PATJ: variants seen among roughly 807,000 people sequenced by gnomAD.
PATJ encodes the protein PATJ crumbs cell polarity complex component.
A neutral mutation model predicts 224.9 loss-of-function variants in PATJ; 190 were observed. The observed-to-expected ratio is 0.84, with a 90% confidence interval of 0.75 to 0.95. The LOEUF is 0.95. Ranked by LOEUF, PATJ falls within the 40% of genes least tolerant of loss-of-function variation. The pLI, the probability that PATJ is intolerant of heterozygous loss-of-function variation, is 0.00. For synonymous variants in PATJ, 769 were observed against 820.3 expected (o/e 0.94, Z 1.07); for missense variants, 2,121 against 2,270.3 (o/e 0.93, Z 1.34).
chr1:62,035,783 A>G (rs1357373834), intron 29 of PATJ, among the ~76,000 whole-genome samples: 1 of 152,098 alleles, frequency 6.6e-6, no homozygotes, highest in Non-Finnish European at 1.5e-5. Context: ...TCAGTTAGGT[A>G]AAATATGAAA....
chr1:61,780,910 C>A (rs942370723), intron 7 of PATJ, among the ~76,000 whole-genome samples: 1 of 152,132 alleles, frequency 6.6e-6, no homozygotes, highest in African/African-American at 2.4e-5. Context: ...TATTTCAGAT[C>A]ATCAAAGAGG....
chr1:62,088,508 A>T (rs1362087479), intron 33 of PATJ, among the ~76,000 whole-genome samples: 4 of 152,094 alleles, frequency 2.6e-5, no homozygotes, highest in Admixed American at 6.6e-5. Context: ...GGTGATGCTG[A>T]CCATTCCTCT....
chr1:61,795,643 G>C, intron 10 of PATJ, 85 bp downstream of exon 10: 5 of 679,778 alleles, frequency 7.4e-6, no homozygotes, highest in Non-Finnish European at 1.0e-5. Flanking sequence ...AGGGGGAATA[G>C]CTTAATATAG....
In PATJ at chr1:62,062,392, C is replaced by CTTTTTTTTTTTTTTTTTTTTTTTTTTTTT. The variant is rs60747316; in HGVS notation, c.4125+11361_4125+11362insTTTTTTTTTTTTTTTTTTTTTTTTTTTTT. On this transcript the variant is annotated intron_variant, in intron 31 of 43. Transcript: ENST00000642238. ...TGGTTGGCTGCTTCTATGTTGTCTT[C>CTTTTTTTTTTTTTTTTTTTTTTTTTTTTT]TTTTTTTTTTTTTTTTTTTTTTTTT... Among the ~76,000 whole-genome samples, 39 of 28,480 alleles carry CTTTTTTTTTTTTTTTTTTTTTTTTTTTTT rather than the reference C, an allele frequency of 1.4e-3. 9 individuals carry two copies. Among genetic ancestry groups the CTTTTTTTTTTTTTTTTTTTTTTTTTTTTT allele is most frequent in the Non-Finnish European group, 1.7e-3 (29 of 16,966 alleles). 18.7% of individuals were successfully genotyped at this position (28,480 alleles called of 152,430 possible).
intron 29 of PATJ, among the ~76,000 whole-genome samples, chr1:62,032,987 A>G (rs1649618047): frequency 6.6e-6 from 1 of 152,148 alleles, no homozygotes. Flanking sequence ...TCACAAGAAC[A>G]GCATGGGGGA....
intron 21 of PATJ, among the ~76,000 whole-genome samples, chr1:61,883,444 G>A (rs1037957992): frequency 2.6e-5 from 4 of 152,070 alleles, no homozygotes; most frequent in African/African-American, 7.2e-5. Context: ...ATAGTTTGAT[G>A]TGAGAATTAA....
intron 27 of PATJ, among the ~76,000 whole-genome samples, chr1:61,930,686 G>T (rs151019002): frequency 6.6e-6 from 1 of 152,068 alleles, no homozygotes; most frequent in East Asian, 1.9e-4. Flanking sequence ...TACCACAAGT[G>T]TGTGCCACCA....
At chr1:61,848,489 T>C (rs1461378027) in intron 17 of PATJ, among the ~76,000 whole-genome samples, 1 of 152,216 alleles carries the variant, frequency 6.6e-6, no homozygotes, top group Non-Finnish European at 1.5e-5. Flanking sequence ...TGAGTGTACG[T>C]GTGTATAAAA....
At chr1:61,982,542 G>A (rs1557987128) in intron 27 of PATJ, among the ~76,000 whole-genome samples, 1 of 152,012 alleles carries the variant, frequency 6.6e-6, no homozygotes, top group South Asian at 2.1e-4. Flanking sequence ...ACAGTGAACT[G>A]TGAAATGTTT....
Position 62,114,653 on chromosome 1 carries a change from G to A in PATJ, c.4655+407G>A, listed in dbSNP as rs78642273. The A allele has an allele frequency of 5.5e-3, 922 of 168,668 alleles. 12 individuals carry two copies. Among genetic ancestry groups the A allele is most frequent in the African/African-American group, 0.021 (871 of 41,656 alleles). The allele number at this position is 168,668 out of a possible 1,614,324, so 10.4% of individuals were successfully genotyped here. ...AAATTAACATGGAACATTGCTTTTC[G>A]TGATACTGTTAATTTCATACTATGT... On this transcript the variant is annotated intron_variant, in intron 35 of 43. Coordinates refer to ENST00000642238, the MANE Select transcript of PATJ (RefSeq NM_001350145.3).
At chr1:62,146,734 G>A (rs186371357) in intron 41 of PATJ, among the ~76,000 whole-genome samples, 3 of 152,048 alleles carry the variant, frequency 2.0e-5, no homozygotes, top group Non-Finnish European at 2.9e-5. Context: ...CCAAGATCAC[G>A]CCATTGCACT....
At chr1:61,808,357 C>G in intron 13 of PATJ, 117 bp from the exon 14 acceptor site, 2 of 669,228 alleles carry the variant, frequency 3.0e-6, no homozygotes, top group South Asian at 3.5e-5. Context: ...AGAAAGGTAT[C>G]GGAATGTAGG....
chr1:61,932,552 A>G (rs1473874365), intron 27 of PATJ, among the ~76,000 whole-genome samples: 2 of 152,322 alleles, frequency 1.3e-5, no homozygotes, highest in South Asian at 2.1e-4. Flanking sequence ...GAAAATAACC[A>G]TTGAATTTAA....
intron 16 of PATJ, chr1:61,833,318 A>T (rs1659647468): frequency 6.2e-6 from 1 of 160,722 alleles, no homozygotes; most frequent in African/African-American, 2.4e-5. Flanking sequence ...ATTTACTTAA[A>T]TTGCATATTT....
rs1558235712 is a variant in PATJ at position 62,148,120 on chromosome 1, T to TAAAAAAAAAAAAAAA, written c.5272-164_5272-163insAAAAAAAAAAAAAAA. ...TGAGCAACAGAGTGAGACACTGTCTTTAAAAAAAAAAAAAAAAAAAAGTTT... is the reference window on the plus strand; with the variant it reads ...TGAGCAACAGAGTGAGACACTGTCTTAAAAAAAAAAAAAAATAAAAAAAAAAAAAAAAAAAAGTTT... On this transcript the variant is annotated intron_variant, in intron 41 of 43. Coordinates refer to ENST00000642238, the MANE Select transcript of PATJ (RefSeq NM_001350145.3). Among the ~76,000 whole-genome samples the TAAAAAAAAAAAAAAA allele has an allele frequency of 3.3e-4, 36 of 108,480 alleles. 2 individuals carry two copies. The highest frequency in any genetic ancestry group is 1.0e-3 in the African/African-American group (30 of 29,412). 71.2% of individuals were successfully genotyped at this position (108,480 alleles called of 152,430 possible).
intron 25 of PATJ, among the ~76,000 whole-genome samples, chr1:61,909,137 G>A (rs1672255599): frequency 6.6e-6 from 1 of 151,812 alleles, no homozygotes; most frequent in Non-Finnish European, 1.5e-5. Context: ...GTGCCACCAT[G>A]CTCCACTAAT....
intron 25 of PATJ, among the ~76,000 whole-genome samples, chr1:61,909,386 A>T (rs1469878794): frequency 6.6e-6 from 1 of 152,254 alleles, no homozygotes; most frequent in East Asian, 1.9e-4. Flanking sequence ...TGCAACAGAA[A>T]CATCACCCTT....
intron 22 of PATJ, among the ~76,000 whole-genome samples, chr1:61,895,893 T>C (rs2151123): frequency 0.76 from 115,204 of 152,164 alleles, 43,784 homozygotes; most frequent in Middle Eastern, 0.79. Context: ...GGGCTGTACC[T>C]TGCAGAGCCA....
intron 7 of PATJ, among the ~76,000 whole-genome samples, chr1:61,787,070 C>T (rs1648710307): frequency 6.6e-6 from 1 of 152,156 alleles, no homozygotes; most frequent in South Asian, 2.1e-4. Flanking sequence ...GTGAAACACA[C>T]CCAAGCTATT....
Sources: allele counts gnomAD v4.1 joint callset (sites outside exome capture counted in the v4.1 genomes callset), GRCh38; gene constraint gnomAD v4.1.1; transcripts MANE v1.5; gene names NCBI Gene and HGNC (gene_info 2026-07-23, HGNC 2026-07-21).